PRAMEF15: variants seen among roughly 807,000 people sequenced by gnomAD.
The protein encoded by PRAMEF15 is PRAME family member 9/15.
In PRAMEF15, 21 loss-of-function variants were observed where a neutral mutation model predicts 35.3. The observed-to-expected ratio is 0.59, with a 90% CI of 0.42 to 0.86. The LOEUF (loss-of-function observed/expected upper bound fraction) is 0.86, where lower values mean the gene tolerates loss of function less well. Among genes scored for constraint, PRAMEF15 ranks in the 40% least tolerant of loss-of-function variants. The pLI is 0.00. For missense variants in PRAMEF15, 360 were observed against 574.1 expected (o/e 0.63, Z 3.81); for synonymous variants, 122 against 223.3 (o/e 0.55, Z 4.05).
At chr1:13,320,163 C>G (rs1282204361) in intron 3 of PRAMEF15, among the ~76,000 whole-genome samples, 2 of 152,064 alleles carry the variant, frequency 1.3e-5, no homozygotes, top group Non-Finnish European at 2.9e-5. Context: ...AGGGGAGATG[C>G]TATGGAGAGG....
intron 1 of PRAMEF15, among the ~76,000 whole-genome samples, chr1:13,317,672 G>A (rs1238438395): frequency 6.6e-6 from 1 of 151,674 alleles, no homozygotes; most frequent in Non-Finnish European, 1.5e-5. Context: ...AGCAACTTGG[G>A]AGGCTGAGGA....
chr1:13,316,016 T>A (rs1354257215), intron 1 of PRAMEF15, among the ~76,000 whole-genome samples: 10 of 148,934 alleles, frequency 6.7e-5, no homozygotes, highest in African/African-American at 2.5e-4. Context: ...TTTTTGGGGG[T>A]GGGGATGGAG....
chr1:13,316,010 TG>T (rs1639997991), intron 1 of PRAMEF15, among the ~76,000 whole-genome samples: 1 of 150,608 alleles, frequency 6.6e-6, no homozygotes, highest in Non-Finnish European at 1.5e-5. Context: ...ACGTTTTTTT[TG>T]GGGGTGGGGA....
intron 2 of PRAMEF15, among the ~76,000 whole-genome samples, 191 bp downstream of exon 2, chr1:13,318,891 C>T (rs1209426148): frequency 6.6e-6 from 1 of 151,774 alleles, no homozygotes; most frequent in African/African-American, 2.4e-5. Flanking sequence ...AGGAACCTCT[C>T]CTCTAATGGC....
chr1:13,316,587 C>G (rs1269391273), intron 1 of PRAMEF15, among the ~76,000 whole-genome samples: 14 of 151,848 alleles, frequency 9.2e-5, no homozygotes, highest in South Asian at 6.3e-4. Flanking sequence ...TCTTGGAGGC[C>G]GAGGTAACAG....
intron 1 of PRAMEF15, 56 bp downstream of exon 1, chr1:13,315,714 G>A (rs1639993816): frequency 1.3e-5 from 2 of 151,230 alleles, no homozygotes; most frequent in African/African-American, 4.9e-5. Flanking sequence ...CAGTCGGTCT[G>A]GGATGGTGAC....
Position 13,318,665 on chromosome 1 carries a change from G to A in PRAMEF15, c.258G>A (p.Gly86=), listed in dbSNP as rs1640038609. The change falls in exon 2 of 4, where the codon GGG becomes GGA. Residue 86 remains glycine (G), a synonymous_variant. Transcript: ENST00000376152. ...AGGCCTTCCAAGCTGTGCTCGATGGGCTTGATGCACTGCTTACCCAAGGGG... is the reference window on the plus strand; with the variant it reads ...AGGCCTTCCAAGCTGTGCTCGATGGACTTGATGCACTGCTTACCCAAGGGG... ...CLEAFQAVLD[G]LDALLTQGVR... is the part of the protein sequence containing the mutation. The A allele has an allele frequency of 1.2e-6, 2 of 1,614,004 alleles. No homozygotes were observed. Among genetic ancestry groups the A allele is most frequent in the African/African-American group, 2.7e-5 (2 of 75,046 alleles).
intron 1 of PRAMEF15, among the ~76,000 whole-genome samples, chr1:13,316,909 C>T (rs1553167214): frequency 6.7e-6 from 1 of 149,690 alleles, no homozygotes; most frequent in Admixed American, 6.6e-5. Flanking sequence ...ATTAGTAAAA[C>T]TCCATGTTTG....
chr1:13,319,393 G>A lies in PRAMEF15; in HGVS notation c.315G>A (p.Leu105=), dbSNP rs1157929919. ...VRPRRWKLQV[L]DLQDVCENFW... The stretch of plus-strand genomic sequence containing the variant: ...ACAGGAGGTGGAAACTCCAAGTGCT[G>A]GATTTACAGGATGTCTGTGAGAACT... The change falls in exon 3 of 4, where the codon CTG becomes CTA. Residue 105 remains leucine, a synonymous_variant. Transcript: ENST00000376152. The A allele has an allele frequency of 2.5e-6, 4 of 1,611,514 alleles. No individual in the cohort carries two copies. The highest frequency in any genetic ancestry group is 4.5e-5 in the East Asian group (2 of 44,844).
intron 1 of PRAMEF15, among the ~76,000 whole-genome samples, chr1:13,317,467 A>C (rs1443127797): frequency 1.3e-5 from 2 of 152,054 alleles, no homozygotes; most frequent in East Asian, 1.9e-4. Context: ...AAAGCTTCTC[A>C]CTGAAATTTT....
rs1420018550 is a variant in PRAMEF15, at chr1:13,321,341, A to C, written c.876-362A>C. Among the ~76,000 whole-genome samples the C allele has an allele frequency of 4.0e-5, 6 of 150,548 alleles. No homozygotes were observed. The South Asian group carries it at 1.1e-3, about 27-fold the overall frequency. On this transcript the variant is annotated intron_variant, in intron 3 of 3. Coordinates refer to ENST00000376152, the MANE Select transcript of PRAMEF15 (RefSeq NM_001098376.3). ...GCGATTCTTCTGCCTCAGCTTCCCAAGTAGCTGGAATTGCAGGCTCCCGCC... is the reference window on the plus strand; with the variant it reads ...GCGATTCTTCTGCCTCAGCTTCCCACGTAGCTGGAATTGCAGGCTCCCGCC...
At chr1:13,316,018 G>T (rs1443374628) in intron 1 of PRAMEF15, among the ~76,000 whole-genome samples, 1 of 150,164 alleles carries the variant, frequency 6.7e-6, no homozygotes, top group Non-Finnish European at 1.5e-5. Context: ...TTTGGGGGTG[G>T]GGATGGAGTC....
chr1:13,316,541 G>C (rs1285047557), intron 1 of PRAMEF15, among the ~76,000 whole-genome samples: 1 of 151,946 alleles, frequency 6.6e-6, no homozygotes, highest in Non-Finnish European at 1.5e-5. Context: ...TGTAGTCCCA[G>C]CTATGTGGAA....
Position 13,319,915 on chromosome 1 carries a change from T to G in PRAMEF15, c.837T>G (p.Ser279=). Residue 279 remains serine, a synonymous_variant, in exon 3 of 4, where the codon TCT becomes TCG. Transcript: ENST00000376152. ...LRCLQKLYMN[S]VSFLEGHLDQ... is the part of the protein sequence containing the mutation. ...GCCTCCAAAAGCTTTATATGAACTC[T>G]GTTTCTTTCCTCGAAGGCCACCTGG... 1 of 1,609,958 alleles carries G rather than the reference T, an allele frequency of 6.2e-7. No individual in the cohort carries two copies. Among genetic ancestry groups the G allele is most frequent in the Non-Finnish European group, 8.5e-7 (1 of 1,179,820 alleles).
At chr1:13,320,212 C>G (rs1355971700) in intron 3 of PRAMEF15, among the ~76,000 whole-genome samples, 1 of 152,010 alleles carries the variant, frequency 6.6e-6, no homozygotes, top group Non-Finnish European at 1.5e-5. Flanking sequence ...GGGTTCAGAT[C>G]TAGTGAGGGT....
At chr1:13,318,112 C>T (rs1292269651) in intron 1 of PRAMEF15, among the ~76,000 whole-genome samples, 1 of 152,010 alleles carries the variant, frequency 6.6e-6, no homozygotes, top group Non-Finnish European at 1.5e-5. Context: ...AGGAGGGGTT[C>T]ACTTTCAGGT....
rs1238890497 is a variant in PRAMEF15, at chr1:13,316,561, A to G, written c.-17+903A>G. ...TCCCAGCTATGTGGAAGGCTGAAGC[A>G]TGAGAATTGCTTGAATCTTGGAGGC... On this transcript the variant is annotated intron_variant, in intron 1 of 3. Coordinates refer to ENST00000376152, the MANE Select transcript of PRAMEF15 (RefSeq NM_001098376.3). 2.1e-3 allele frequency among the ~76,000 whole-genome samples: 327 copies of G among 152,108 alleles called. 4 individuals are homozygous for G. Among genetic ancestry groups the G allele is most frequent in the Middle Eastern group, 0.02 (6 of 294 alleles).
At chr1:13,316,423 G>A (rs1640004850) in intron 1 of PRAMEF15, among the ~76,000 whole-genome samples, 1 of 151,516 alleles carries the variant, frequency 6.6e-6, no homozygotes. Flanking sequence ...GAGACACTCT[G>A]TCCAAAAACA....
At chr1:13,317,471 A>C (rs1376753227) in intron 1 of PRAMEF15, among the ~76,000 whole-genome samples, 1 of 152,002 alleles carries the variant, frequency 6.6e-6, no homozygotes. Flanking sequence ...CTTCTCACTG[A>C]AATTTTCAAT....
Sources: gnomAD v4.1 joint callset for allele counts (sites outside exome capture counted in the v4.1 genomes callset) on GRCh38, gnomAD v4.1.1 for gene constraint, MANE v1.5 for transcripts, NCBI Gene and HGNC (gene_info 2026-07-23, HGNC 2026-07-21) for gene names.